ARHGAP26: variants seen among roughly 807,000 people sequenced by gnomAD.
The protein encoded by ARHGAP26 is Rho GTPase activating protein 26.
ARHGAP26 carries 38 observed loss-of-function variants against 104.8 expected under a neutral mutation model. That is an observed-to-expected ratio of 0.36 (90% confidence interval 0.28 to 0.48). The LOEUF is 0.48. Ranked by LOEUF, ARHGAP26 falls within the 20% of genes least tolerant of loss-of-function variation. ARHGAP26 has a pLI of 0.99. For missense variants in ARHGAP26, 704 were observed against 947.9 expected (o/e 0.74, Z 3.38); for synonymous variants, 341 against 340.0 (o/e 1.00, Z -0.03).
chr5:143,155,697 T>G (rs1800395011), intron 20 of ARHGAP26, among the ~76,000 whole-genome samples: 1 of 152,200 alleles, frequency 6.6e-6, no homozygotes, highest in Non-Finnish European at 1.5e-5. Context: ...ATCCCTGTTT[T>G]CCAGCAGAGT....
intron 1 of ARHGAP26, among the ~76,000 whole-genome samples, chr5:142,801,825 G>A (rs1762125376): frequency 6.6e-6 from 1 of 152,158 alleles, no homozygotes; most frequent in African/African-American, 2.4e-5. Context: ...AGCCCTTAGG[G>A]AAACATTGCA....
chr5:142,842,857 T>C (rs1013934895), intron 1 of ARHGAP26, among the ~76,000 whole-genome samples: 1 of 152,238 alleles, frequency 6.6e-6, no homozygotes, highest in Non-Finnish European at 1.5e-5. Context: ...AATTGTCTTA[T>C]GTGTGGAGAC....
intron 11 of ARHGAP26, among the ~76,000 whole-genome samples, chr5:142,985,821 AC>A (rs1167900061): frequency 3.3e-5 from 5 of 151,898 alleles, no homozygotes; most frequent in African/African-American, 9.7e-5. Flanking sequence ...CCATGTCCCT[AC>A]AAAGGACACC....
chr5:142,970,602 A>T (rs1401779080), intron 11 of ARHGAP26, among the ~76,000 whole-genome samples: 1 of 152,164 alleles, frequency 6.6e-6, no homozygotes, highest in Non-Finnish European at 1.5e-5. Context: ...TTCCTAAGCC[A>T]ATCATTGGGG....
chr5:142,846,288 T>C (rs1771927081), intron 1 of ARHGAP26, among the ~76,000 whole-genome samples: 1 of 151,970 alleles, frequency 6.6e-6, no homozygotes, highest in Non-Finnish European at 1.5e-5. Flanking sequence ...ATGGCTGGAG[T>C]TGTATCCAAG....
chr5:142,938,970 CAG>C (rs1420271962), intron 11 of ARHGAP26, among the ~76,000 whole-genome samples: 1 of 152,176 alleles, frequency 6.6e-6, no homozygotes, highest in African/African-American at 2.4e-5. Flanking sequence ...AGGTAAGAAA[CAG>C]ATACTTTAGC....
At chr5:143,064,593 A>G (rs1331251666) in intron 17 of ARHGAP26, among the ~76,000 whole-genome samples, 2 of 152,266 alleles carry the variant, frequency 1.3e-5, no homozygotes, top group East Asian at 1.9e-4. Flanking sequence ...AGGAAAATCT[A>G]TTTAAAGGGA....
chr5:142,994,142 A>G lies in ARHGAP26; in HGVS notation c.1108-19938A>G, dbSNP rs188106818. On this transcript the variant is annotated intron_variant, in intron 11 of 22. Coordinates refer to ENST00000645722, the MANE Select transcript of ARHGAP26 (RefSeq NM_001135608.3). ...AAAAACATCAGTGTGAGGTGTGAAC[A>G]TAGTGCTATTGAAATAGAACAGATG... 2.6e-5 allele frequency among the ~76,000 whole-genome samples: 4 copies of G among 152,372 alleles called. No individual in the cohort carries two copies. The East Asian group carries it at 5.8e-4, about 22-fold the overall frequency.
intron 17 of ARHGAP26, among the ~76,000 whole-genome samples, chr5:143,094,751 T>C (rs188527233): frequency 8.7e-4 from 132 of 152,104 alleles, no homozygotes; most frequent in African/African-American, 2.6e-3. Flanking sequence ...CTAATTCCAA[T>C]TGGCTAATTT....
At chr5:143,042,677 G>A (rs1044687953) in intron 14 of ARHGAP26, among the ~76,000 whole-genome samples, 14 of 152,216 alleles carry the variant, frequency 9.2e-5, no homozygotes, top group Non-Finnish European at 1.6e-4. Flanking sequence ...CTTGGGGTAC[G>A]CAGCTCAGTG....
intron 12 of ARHGAP26, among the ~76,000 whole-genome samples, chr5:143,031,861 G>A (rs748025798): frequency 6.6e-6 from 1 of 152,112 alleles, no homozygotes; most frequent in South Asian, 2.1e-4. Context: ...AAAATCATTT[G>A]ATTGTACCTT....
At chr5:143,101,476 G>C (rs563843447) in intron 17 of ARHGAP26, among the ~76,000 whole-genome samples, 4 of 152,054 alleles carry the variant, frequency 2.6e-5, no homozygotes, top group Non-Finnish European at 5.9e-5. Context: ...TTAACAAAAG[G>C]TGATTGTTTT....
intron 10 of ARHGAP26, among the ~76,000 whole-genome samples, chr5:142,928,271 T>C (rs1764217036): frequency 6.6e-6 from 1 of 150,888 alleles, no homozygotes; most frequent in Non-Finnish European, 1.5e-5. Flanking sequence ...CTTTTCCATC[T>C]CTTGAGTATT....
At chr5:143,198,303 T>G (rs1303252555) in intron 20 of ARHGAP26, among the ~76,000 whole-genome samples, 1 of 152,248 alleles carries the variant, frequency 6.6e-6, no homozygotes, top group African/African-American at 2.4e-5. Flanking sequence ...ATATGAACAC[T>G]TTATAATGCC....
chr5:143,053,539 CTCT>C (rs1365864318), intron 14 of ARHGAP26, among the ~76,000 whole-genome samples: 1 of 152,176 alleles, frequency 6.6e-6, no homozygotes, highest in Non-Finnish European at 1.5e-5. Context: ...CAACCTCTGC[CTCT>C]TCTTCTCACC....
chr5:142,796,061 TG>T (rs1760932913), intron 1 of ARHGAP26, among the ~76,000 whole-genome samples: 1 of 125,840 alleles, frequency 7.9e-6, no homozygotes, highest in Non-Finnish European at 1.7e-5. Flanking sequence ...TTTCTGTGTG[TG>T]TGTGTGTGTG....
intron 1 of ARHGAP26, among the ~76,000 whole-genome samples, chr5:142,816,808 A>G (rs1450520507): frequency 1.3e-5 from 2 of 152,140 alleles, no homozygotes; most frequent in East Asian, 3.9e-4. Flanking sequence ...AGGTGTGATC[A>G]GTCCTTGAGC....
At chr5:142,835,761 A>G (rs1053835901) in intron 1 of ARHGAP26, among the ~76,000 whole-genome samples, 1 of 152,238 alleles carries the variant, frequency 6.6e-6, no homozygotes, top group African/African-American at 2.4e-5. Context: ...AGCACATGAT[A>G]CATAATAAAA....
chr5:142,953,483 A>G (rs1188673119), intron 11 of ARHGAP26, among the ~76,000 whole-genome samples: 3 of 152,196 alleles, frequency 2.0e-5, no homozygotes, highest in Admixed American at 6.5e-5. Context: ...GATGTGGTCC[A>G]TCGTAGCTGG....
Sources: gnomAD v4.1 joint callset for allele counts (sites outside exome capture counted in the v4.1 genomes callset) on GRCh38, gnomAD v4.1.1 for gene constraint, MANE v1.5 for transcripts, NCBI Gene and HGNC (gene_info 2026-07-23, HGNC 2026-07-21) for gene names.